ARL5A: variants seen among roughly 807,000 people sequenced by gnomAD.
The protein encoded by ARL5A is ADP-ribosylation factor-like protein 5A.
In ARL5A, 18 loss-of-function variants were observed where a neutral mutation model predicts 25.9. The observed-to-expected ratio is 0.69, with a 90% CI of 0.48 to 1.03. ARL5A has a LOEUF of 1.03. Ranked by LOEUF, ARL5A falls within the 50% of genes least tolerant of loss-of-function variation. The pLI is 0.00. For synonymous variants in ARL5A, 61 were observed against 67.5 expected (o/e 0.90, Z 0.47); for missense variants, 170 against 211.9 (o/e 0.80, Z 1.23).
At chr2:151,817,774 G>A (rs182457710) in intron 1 of ARL5A, among the ~76,000 whole-genome samples, 51 of 152,306 alleles carry the variant, frequency 3.3e-4, no homozygotes, top group African/African-American at 1.1e-3. Flanking sequence ...GGCTGAGGCC[G>A]TCGGGTGGAT....
Position 151,828,159 on chromosome 2 carries a change from A to G in ARL5A, c.18T>C (p.Thr6=), listed in dbSNP as rs2151299311. ...GGTGATTGAACAGTCTCCATATTCTAGTGAAGAGAATTCCCATTCTCGGGC... is the reference window on the plus strand; with the variant it reads ...GGTGATTGAACAGTCTCCATATTCTGGTGAAGAGAATTCCCATTCTCGGGC... MGILF[T]RIWRLFNHQE... The change falls in exon 1 of 6, where the codon ACT becomes ACC. Residue 6 remains threonine (T), a synonymous_variant. Coordinates refer to ENST00000295087, the MANE Select transcript of ARL5A (RefSeq NM_012097.4). 1.9e-6 allele frequency: 3 copies of G among 1,606,578 alleles called. No individual in the cohort carries two copies. The highest frequency in any genetic ancestry group is 2.5e-6 in the Non-Finnish European group (3 of 1,176,814).
At chr2:151,826,037 G>A (rs1378063304) in intron 1 of ARL5A, among the ~76,000 whole-genome samples, 4 of 152,032 alleles carry the variant, frequency 2.6e-5, no homozygotes, top group African/African-American at 4.8e-5. Context: ...CAGGAGAATC[G>A]CTTGAACCCA....
At position 151,820,660 on chromosome 2, in the gene ARL5A, C is replaced by CAAAAAA. The variant is rs71410438; in HGVS notation, c.47-5467_47-5462dup. Among the ~76,000 whole-genome samples the CAAAAAA allele has an allele frequency of 1.3e-3, 57 of 45,050 alleles. 5 individuals are homozygous for CAAAAAA. The highest frequency in any genetic ancestry group is 3.6e-3 in the African/African-American group (36 of 9,864). 29.6% of individuals were successfully genotyped at this position (45,050 alleles called of 152,430 possible). A position where few individuals can be genotyped will look rare whatever the true frequency, so the allele number is the denominator to read the frequency against. On this transcript the variant is annotated intron_variant, in intron 1 of 5. Transcript: ENST00000295087. ...GGGCGACAGAGTGAGATCCTGTCTC[C>CAAAAAA]AAAAAAAAAAAAAAAAAAAAAAAAA...
Position 151,806,977 on chromosome 2 carries a change from T to A in ARL5A, c.340-5A>T. Reference sequence around the variant, plus strand: ...CAATCCAGCTTTTCTTAGGTCCTATTAAAGCAAATAAAACTGTAAAGGCCA... The same window carrying A: ...CAATCCAGCTTTTCTTAGGTCCTATAAAAGCAAATAAAACTGTAAAGGCCA... On this transcript the variant is annotated splice_region_variant and splice_polypyrimidine_tract_variant and intron_variant, in intron 4 of 5. Coordinates refer to ENST00000295087, the MANE Select transcript of ARL5A (RefSeq NM_012097.4). 6.2e-7 allele frequency: 1 copy of A among 1,602,862 alleles called. No homozygotes were observed. The highest frequency in any genetic ancestry group is 1.1e-5 in the South Asian group (1 of 88,530).
At chr2:151,822,157 G>C (rs1402720229) in intron 1 of ARL5A, among the ~76,000 whole-genome samples, 3 of 151,992 alleles carry the variant, frequency 2.0e-5, no homozygotes, top group African/African-American at 7.3e-5. Context: ...ATCATCAGAA[G>C]TTTACTGTGC....
At chr2:151,803,994 T>C (rs2099829765) in intron 5 of ARL5A, among the ~76,000 whole-genome samples, 4 of 152,166 alleles carry the variant, frequency 2.6e-5, no homozygotes, top group African/African-American at 4.8e-5. Flanking sequence ...ATTTGTATGA[T>C]GAAATATTTA....
rs1233172744 is a variant in ARL5A, at chr2:151,799,911, G to A, written c.*3365C>T. 1.3e-5 allele frequency: 2 copies of A among 152,166 alleles called. No individual in the cohort carries two copies. Among genetic ancestry groups the A allele is most frequent in the African/African-American group, 4.8e-5 (2 of 41,430 alleles). The allele number at this position is 152,166 out of a possible 1,614,324, so 9.4% of individuals were successfully genotyped here. ...TAAATGAAGATACAGGAGAGCAAAG[G>A]ATACCTGAGCTATGGGGAAGCTGAC... On this transcript the variant is annotated 3_prime_UTR_variant, in exon 6 of 6. Coordinates refer to ENST00000295087, the MANE Select transcript of ARL5A (RefSeq NM_012097.4).
intron 4 of ARL5A, among the ~76,000 whole-genome samples, chr2:151,809,868 G>T (rs1437605668): frequency 6.6e-6 from 1 of 152,188 alleles, no homozygotes; most frequent in South Asian, 2.1e-4. Context: ...GATCACCTGA[G>T]GTCAGGAGTT....
At chr2:151,806,733 A>G (rs998191231) in intron 5 of ARL5A, 88 bp downstream of exon 5, 1 of 1,326,348 alleles carries the variant, frequency 7.5e-7, no homozygotes, top group Admixed American at 2.5e-5. Context: ...TATACACAAT[A>G]GCCTTAAATA....
chr2:151,821,277 A>C (rs1333604643), intron 1 of ARL5A, among the ~76,000 whole-genome samples: 2 of 152,240 alleles, frequency 1.3e-5, no homozygotes, highest in Non-Finnish European at 1.5e-5. Context: ...CTTAAGACCT[A>C]AGCAGATTTC....
intron 2 of ARL5A, 77 bp from the exon 3 acceptor site, chr2:151,814,393 A>G (rs2099831225): frequency 1.8e-6 from 2 of 1,133,566 alleles, no homozygotes; most frequent in African/African-American, 3.2e-5. Flanking sequence ...TCAAGGACAA[A>G]TCAGCATGAC....
rs1208194913 is a variant in ARL5A, at chr2:151,802,085, C to T, written c.*1191G>A. The stretch of plus-strand genomic sequence containing the variant: ...CACTTGCATTTTATAATTGTCAATG[C>T]ATTTATGTAATAGAAGATACAACAA... On this transcript the variant is annotated 3_prime_UTR_variant, in exon 6 of 6. Coordinates refer to ENST00000295087, the MANE Select transcript of ARL5A (RefSeq NM_012097.4). The T allele has an allele frequency of 6.6e-6, 1 of 152,034 alleles. No homozygotes were observed. Among genetic ancestry groups the T allele is most frequent in the Non-Finnish European group, 1.5e-5 (1 of 67,940 alleles). 9.4% of individuals were successfully genotyped at this position (152,034 alleles called of 1,614,324 possible).
chr2:151,798,839 CA>C lies in ARL5A; in HGVS notation c.*4436del, dbSNP rs2099829031. The C allele has an allele frequency of 6.6e-6, 1 of 150,578 alleles. No individual in the cohort carries two copies. The highest frequency in any genetic ancestry group is 6.6e-5 in the Admixed American group (1 of 15,102). 9.3% of individuals were successfully genotyped at this position (150,578 alleles called of 1,614,324 possible). A position where few individuals can be genotyped will look rare whatever the true frequency, so the allele number is the denominator to read the frequency against. On this transcript the variant is annotated 3_prime_UTR_variant, in exon 6 of 6. Coordinates refer to ENST00000295087, the MANE Select transcript of ARL5A (RefSeq NM_012097.4). ...ATAATTTATTAGATGGGCTTAAAATCAACACAAATCCATTTTTAGGCACTTC... is the reference window on the plus strand; with the variant it reads ...ATAATTTATTAGATGGGCTTAAAATCACACAAATCCATTTTTAGGCACTTC...
chr2:151,808,855 C>G (rs957535254), intron 4 of ARL5A, among the ~76,000 whole-genome samples: 1 of 152,156 alleles, frequency 6.6e-6, no homozygotes, highest in African/African-American at 2.4e-5. Flanking sequence ...TGAAACCAGC[C>G]TGGCCAACAG....
intron 5 of ARL5A, among the ~76,000 whole-genome samples, chr2:151,805,396 T>C (rs1315266210): frequency 6.6e-6 from 1 of 152,180 alleles, no homozygotes; most frequent in Non-Finnish European, 1.5e-5. Flanking sequence ...CTATACCCCA[T>C]GCTTTTGTCC....
intron 4 of ARL5A, chr2:151,810,441 C>T (rs1189575519): frequency 6.7e-6 from 2 of 299,680 alleles, no homozygotes; most frequent in Non-Finnish European, 1.4e-5. Flanking sequence ...TCTTCTTGAC[C>T]CTACTGAGTA....
intron 5 of ARL5A, among the ~76,000 whole-genome samples, 180 bp from the exon 6 acceptor site, chr2:151,803,504 C>T (rs1240740654): frequency 6.6e-6 from 1 of 152,170 alleles, no homozygotes; most frequent in African/African-American, 2.4e-5. Context: ...CACAATACAT[C>T]TGTGCTTTTT....
At chr2:151,815,011 A>G (rs563886492) in intron 2 of ARL5A, 128 bp downstream of exon 2, 3 of 714,820 alleles carry the variant, frequency 4.2e-6, no homozygotes, top group Admixed American at 5.6e-5. Flanking sequence ...CCAGGTTTAT[A>G]GCCAACCTGC....
intron 1 of ARL5A, among the ~76,000 whole-genome samples, chr2:151,818,436 G>A (rs2099831818): frequency 1.3e-5 from 2 of 152,044 alleles, no homozygotes; most frequent in Admixed American, 6.5e-5. Context: ...GCACCACCAC[G>A]CCTGGATATT....
Sources: gnomAD v4.1 joint callset for allele counts (sites outside exome capture counted in the v4.1 genomes callset) on GRCh38, gnomAD v4.1.1 for gene constraint, MANE v1.5 for transcripts, NCBI Gene and HGNC (gene_info 2026-07-23, HGNC 2026-07-21) for gene names.